AFG1L: variants seen among roughly 807,000 people sequenced by gnomAD.
AFG1L encodes AFG1-like ATPase.
AFG1L carries 53 observed loss-of-function variants against 62.2 expected under a neutral mutation model. That is an observed-to-expected ratio of 0.85 (90% CI 0.68 to 1.07). AFG1L has a LOEUF of 1.07. Among genes scored for constraint, AFG1L ranks in the 50% least tolerant of loss-of-function variants. AFG1L has a pLI of 0.00. For missense variants in AFG1L, 555 were observed against 590.5 expected (o/e 0.94, Z 0.62); for synonymous variants, 228 against 210.3 (o/e 1.08, Z -0.73).
chr6:108,409,204 G>A (rs1781994858), intron 7 of AFG1L, among the ~76,000 whole-genome samples: 1 of 152,120 alleles, frequency 6.6e-6, no homozygotes, highest in Admixed American at 6.6e-5. Flanking sequence ...AAGATTATGA[G>A]TGATTTAAAT....
At chr6:108,311,891 G>A (rs1192903344) in intron 1 of AFG1L, among the ~76,000 whole-genome samples, 3 of 151,594 alleles carry the variant, frequency 2.0e-5, no homozygotes, top group Admixed American at 6.6e-5. Context: ...TTGAGACAGC[G>A]TCTTGCTCTG....
chr6:108,437,715 C>G (rs1771371845), intron 7 of AFG1L, among the ~76,000 whole-genome samples: 1 of 151,868 alleles, frequency 6.6e-6, no homozygotes, highest in Non-Finnish European at 1.5e-5. Flanking sequence ...TGTATGGCCC[C>G]CAGAAGAGTA....
At position 108,519,677 on chromosome 6, in the gene AFG1L, C is replaced by T. The variant is rs773778159; in HGVS notation, c.1204-20C>T. On this transcript the variant is annotated intron_variant, in intron 11 of 12. Transcript: ENST00000368977. ...TGAAATGTAAAGAGTAACACATTTA[C>T]CCATTTTCTTCTATTTCAGGTGCGT... 4 of 1,296,866 alleles carry T rather than the reference C, an allele frequency of 3.1e-6. No homozygotes were observed. Among genetic ancestry groups the T allele is most frequent in the East Asian group, 4.6e-5 (2 of 43,314 alleles). 80.3% of individuals were successfully genotyped at this position (1,296,866 alleles called of 1,614,324 possible). A position where few individuals can be genotyped will look rare whatever the true frequency, so the allele number is the denominator to read the frequency against.
chr6:108,407,719 G>A (rs1290478564), intron 7 of AFG1L, among the ~76,000 whole-genome samples: 1 of 151,848 alleles, frequency 6.6e-6, no homozygotes, highest in Non-Finnish European at 1.5e-5. Flanking sequence ...CAATCCCACA[G>A]GAGGGAACCT....
At chr6:108,514,715 G>A (rs2114908046) in intron 11 of AFG1L, among the ~76,000 whole-genome samples, 1 of 152,278 alleles carries the variant, frequency 6.6e-6, no homozygotes, top group South Asian at 2.1e-4. Flanking sequence ...ATTGGATAAA[G>A]ATTCAAGACC....
chr6:108,317,094 A>C (rs1375280445), intron 1 of AFG1L, among the ~76,000 whole-genome samples: 3 of 152,192 alleles, frequency 2.0e-5, no homozygotes. Context: ...TCTTGTAAGG[A>C]TATCAGTGAC....
intron 6 of AFG1L, among the ~76,000 whole-genome samples, chr6:108,367,893 A>G (rs764118809): frequency 9.9e-5 from 15 of 152,224 alleles, no homozygotes; most frequent in Non-Finnish European, 2.1e-4. Flanking sequence ...AACCATTGCA[A>G]TTAGTAACAT....
chr6:108,342,121 C>T (rs950391830), intron 2 of AFG1L, among the ~76,000 whole-genome samples: 2 of 152,096 alleles, frequency 1.3e-5, no homozygotes, highest in African/African-American at 2.4e-5. Flanking sequence ...TGGAGGGATG[C>T]AGCTCTACTG....
At chr6:108,358,981 A>G (rs1431481856) in intron 5 of AFG1L, 7 of 152,244 alleles carry the variant, frequency 4.6e-5, no homozygotes, top group Non-Finnish European at 8.8e-5. Flanking sequence ...CAGCAGACAT[A>G]GTGTCTAGGG....
At position 108,522,426 on chromosome 6, in the gene AFG1L, C is replaced by G. The variant is rs1459055444; in HGVS notation, c.*1C>G. The G allele has an allele frequency of 6.2e-7, 1 of 1,605,222 alleles. No homozygotes were observed. The highest frequency in any genetic ancestry group is 1.7e-5 in the Admixed American group (1 of 59,784). On this transcript the variant is annotated 3_prime_UTR_variant, in exon 13 of 13. Coordinates refer to ENST00000368977, the MANE Select transcript of AFG1L (RefSeq NM_145315.5). ...TGAAGGAGACAGAACCAAGAAGTAA[C>G]TGCCACTTTTGCATAAATAAAACTC...
At chr6:108,515,843 C>G (rs1774860948) in intron 11 of AFG1L, among the ~76,000 whole-genome samples, 1 of 152,196 alleles carries the variant, frequency 6.6e-6, no homozygotes, top group Admixed American at 6.5e-5. Flanking sequence ...CACAGAAATA[C>G]AAACTACCAT....
rs1582373429 is a variant in AFG1L at position 108,323,860 on chromosome 6, A to G, written c.175A>G (p.Thr59Ala). The part of the protein sequence containing the change: ...TVQTSESMTP[T>A]ATSETYLKAL... ...TCAGACATCCGAGAGCATGACCCCA[A>G]CTGCCACTTCAGAGACTTATTTGAA... The change falls in exon 2 of 13, where the codon ACT (threonine) becomes GCT (alanine). Residue 59 changes from threonine to alanine, a missense_variant. Physicochemically the swap from Thr to Ala is moderately conservative, Grantham distance 58. Coordinates refer to ENST00000368977, the MANE Select transcript of AFG1L (RefSeq NM_145315.5). 3 of 1,614,134 alleles carry G rather than the reference A, an allele frequency of 1.9e-6. No homozygotes were observed. Among genetic ancestry groups the G allele is most frequent in the Non-Finnish European group, 1.7e-6 (2 of 1,180,000 alleles).
chr6:108,518,586 C>T lies in AFG1L; in HGVS notation c.1204-1111C>T, dbSNP rs535193369. Among the ~76,000 whole-genome samples, 6 of 152,048 alleles carry T rather than the reference C, an allele frequency of 3.9e-5. No individual in the cohort carries two copies. The South Asian group carries it at 1.0e-3, about 26-fold the overall frequency. ...TAATGGGTGCAGCACACTAACATGGCACATGTATACATATGTAACAAACCT... is the reference window on the plus strand; with the variant it reads ...TAATGGGTGCAGCACACTAACATGGTACATGTATACATATGTAACAAACCT... On this transcript the variant is annotated intron_variant, in intron 11 of 12. Coordinates refer to ENST00000368977, the MANE Select transcript of AFG1L (RefSeq NM_145315.5).
At chr6:108,450,899 G>A (rs1258828153) in intron 8 of AFG1L, among the ~76,000 whole-genome samples, 3 of 150,780 alleles carry the variant, frequency 2.0e-5, no homozygotes, top group Admixed American at 6.6e-5. Context: ...GTAGATATGC[G>A]GCATTATTTC....
chr6:108,381,587 A>C (rs1339399224), intron 6 of AFG1L, among the ~76,000 whole-genome samples: 2 of 152,218 alleles, frequency 1.3e-5, no homozygotes, highest in Non-Finnish European at 2.9e-5. Context: ...TGGAAAAAAA[A>C]AAATTATAGT....
intron 10 of AFG1L, among the ~76,000 whole-genome samples, chr6:108,486,264 A>T (rs970199663): frequency 2.0e-5 from 3 of 151,724 alleles, no homozygotes; most frequent in Non-Finnish European, 2.9e-5. Context: ...TTAAACAGAA[A>T]TTTTTTTTTA....
At chr6:108,302,244 G>A (rs577094164) in intron 1 of AFG1L, among the ~76,000 whole-genome samples, 5 of 152,098 alleles carry the variant, frequency 3.3e-5, no homozygotes, top group Non-Finnish European at 7.4e-5. Context: ...CTCCCAGCCC[G>A]AGACTAGAAT....
At chr6:108,433,784 G>A (rs187834859) in intron 7 of AFG1L, among the ~76,000 whole-genome samples, 11 of 148,850 alleles carry the variant, frequency 7.4e-5, no homozygotes, top group Admixed American at 6.7e-4. Context: ...GTAGAGATGG[G>A]GTTTCACCAT....
At chr6:108,505,078 G>A (rs908019841) in intron 10 of AFG1L, among the ~76,000 whole-genome samples, 10 of 98,936 alleles carry the variant, frequency 1.0e-4, no homozygotes, top group Admixed American at 3.9e-4. Flanking sequence ...CCTGAGCTTG[G>A]ATTTTTTTTT....
Sources: allele counts gnomAD v4.1 joint callset (sites outside exome capture counted in the v4.1 genomes callset), GRCh38; gene constraint gnomAD v4.1.1; transcripts MANE v1.5; gene names NCBI Gene and HGNC (gene_info 2026-07-23, HGNC 2026-07-21).